Variants in GALNT10 observed in about 807,000 individuals in gnomAD.
GALNT10 encodes the protein polypeptide N-acetylgalactosaminyltransferase 10, also known as GalNAc transferase 10.
GALNT10 carries 41 observed loss-of-function variants against 75.0 expected under a neutral mutation model. The ratio of observed to expected loss-of-function variants is 0.55; its 90% CI spans 0.43 to 0.71. The LOEUF (loss-of-function observed/expected upper bound fraction) is 0.71, where lower values mean the gene tolerates loss of function less well. GALNT10 is among the 30% of genes least tolerant of loss of function. The pLI is 0.00. For synonymous variants in GALNT10, 302 were observed against 313.0 expected, an observed-to-expected ratio of 0.96 and a Z score of 0.37; for missense variants, 727 against 818.5, an observed-to-expected ratio of 0.89 and a Z score of 1.36.
chr5:154,225,558 T>G (rs78324554), intron 1 of GALNT10, among the ~76,000 whole-genome samples: 2 of 146,018 alleles, frequency 1.4e-5, no homozygotes, highest in East Asian at 3.9e-4. Flanking sequence ...ACTTGGCTAA[T>G]TTTTTTTTTT....
chr5:154,287,959 T>TGTGAGAGA (rs144196717), intron 1 of GALNT10, among the ~76,000 whole-genome samples: 1 of 149,846 alleles, frequency 6.7e-6, no homozygotes. Flanking sequence ...TGTGTGTGTG[T>TGTGAGAGA]GAGAGAGAGA....
At chr5:154,379,199 G>C (rs547973298) in intron 5 of GALNT10, among the ~76,000 whole-genome samples, 1 of 152,274 alleles carries the variant, frequency 6.6e-6, no homozygotes, top group East Asian at 1.9e-4. Context: ...GTACACAGAT[G>C]AACACACTCA....
intron 4 of GALNT10, among the ~76,000 whole-genome samples, chr5:154,355,929 A>G (rs749117426): frequency 5.3e-5 from 8 of 152,248 alleles, no homozygotes; most frequent in African/African-American, 1.9e-4. Context: ...CAAGGCACCT[A>G]CCTTCCACTC....
At position 154,419,746 on chromosome 5, in the gene GALNT10, T is replaced by C. The variant is rs1347265883; in HGVS notation, c.*2774T>C. On this transcript the variant is annotated 3_prime_UTR_variant, in exon 12 of 12. Transcript: ENST00000297107. ...GCCAGTACTAAGCCACTCATTGTTATGGCTTCCTTTTTGAAAACCACCTGT... is the reference window on the plus strand; with the variant it reads ...GCCAGTACTAAGCCACTCATTGTTACGGCTTCCTTTTTGAAAACCACCTGT... 4 of 152,260 alleles carry C rather than the reference T, an allele frequency of 2.6e-5. No homozygotes were observed. The highest frequency in any genetic ancestry group is 5.9e-5 in the Non-Finnish European group (4 of 68,058). The allele number at this position is 152,260 out of a possible 1,614,324, so 9.4% of individuals were successfully genotyped here.
chr5:154,323,364 C>A (rs1393261520), intron 3 of GALNT10, among the ~76,000 whole-genome samples: 1 of 151,380 alleles, frequency 6.6e-6, no homozygotes, highest in Non-Finnish European at 1.5e-5. Context: ...AGAGTAAGAC[C>A]CCATTTCAAA....
intron 5 of GALNT10, among the ~76,000 whole-genome samples, chr5:154,378,217 G>A (rs1323191151): frequency 6.6e-6 from 1 of 152,190 alleles, no homozygotes; most frequent in African/African-American, 2.4e-5. Context: ...ACACCTCCAT[G>A]CATAGCTCAC....
intron 9 of GALNT10, among the ~76,000 whole-genome samples, chr5:154,411,134 G>A (rs1182007490): frequency 6.6e-6 from 1 of 152,072 alleles, no homozygotes; most frequent in Non-Finnish European, 1.5e-5. Context: ...TCTTTCAGAA[G>A]ACCAATTTAA....
chr5:154,400,544 A>G (rs2161343), intron 7 of GALNT10, among the ~76,000 whole-genome samples: 71,944 of 152,022 alleles, frequency 0.47, 17,163 homozygotes, highest in African/African-American at 0.5. Context: ...GAGCAGTTGG[A>G]AGGACAGTCC....
chr5:154,341,784 AT>A (rs1323890836), intron 4 of GALNT10, among the ~76,000 whole-genome samples: 1 of 152,190 alleles, frequency 6.6e-6, no homozygotes, highest in Non-Finnish European at 1.5e-5. Context: ...GATGCCGAAT[AT>A]TCTTTGTAGT....
chr5:154,386,768 T>C, intron 7 of GALNT10: 1 of 510,530 alleles, frequency 2.0e-6, no homozygotes, highest in South Asian at 2.7e-5. Flanking sequence ...AAATAAGCAG[T>C]GGGCCAGAGA....
intron 4 of GALNT10, among the ~76,000 whole-genome samples, chr5:154,344,069 C>G (rs138190840): frequency 1.2e-4 from 18 of 152,134 alleles, no homozygotes; most frequent in Admixed American, 1.0e-3. Flanking sequence ...ATTAGAATCA[C>G]GCTCCTTGAA....
chr5:154,336,910 C>A (rs542657156), intron 4 of GALNT10, among the ~76,000 whole-genome samples: 8 of 152,128 alleles, frequency 5.3e-5, no homozygotes, highest in African/African-American at 9.7e-5. Context: ...TGATATCAGA[C>A]CTCTTCTTTC....
At chr5:154,378,088 G>C (rs1755684251) in intron 5 of GALNT10, among the ~76,000 whole-genome samples, 3 of 152,280 alleles carry the variant, frequency 2.0e-5, no homozygotes, top group South Asian at 4.2e-4. Flanking sequence ...TGTTGTTGTT[G>C]TTTTGTTTTT....
chr5:154,232,601 A>G (rs879267872), intron 1 of GALNT10, among the ~76,000 whole-genome samples: 1 of 152,198 alleles, frequency 6.6e-6, no homozygotes, highest in Non-Finnish European at 1.5e-5. Flanking sequence ...GGTTTCTCTT[A>G]AGATATGAGG....
chr5:154,239,292 A>G (rs1322550341), intron 1 of GALNT10, among the ~76,000 whole-genome samples: 1 of 152,132 alleles, frequency 6.6e-6, no homozygotes, highest in Non-Finnish European at 1.5e-5. Flanking sequence ...CCTTCTGTGC[A>G]CAGTTCAGGG....
chr5:154,253,750 A>T lies in GALNT10; in HGVS notation c.160-41066A>T, dbSNP rs114658626. Among the ~76,000 whole-genome samples the T allele has an allele frequency of 9.3e-3, 1,181 of 127,260 alleles. 20 individuals are homozygous for T. Among genetic ancestry groups the T allele is most frequent in the African/African-American group, 0.035 (1,129 of 32,552 alleles). 83.5% of individuals were successfully genotyped at this position (127,260 alleles called of 152,430 possible). On this transcript the variant is annotated intron_variant, in intron 1 of 11. Coordinates refer to ENST00000297107, the MANE Select transcript of GALNT10 (RefSeq NM_198321.4). ...TTTTTTTGGTGTGGTATTAAAAAAC[A>T]TGGTGGCTTGCTTTCTTAGATTTCC...
chr5:154,317,085 G>T (rs925834909), intron 3 of GALNT10, among the ~76,000 whole-genome samples: 1 of 152,150 alleles, frequency 6.6e-6, no homozygotes, highest in African/African-American at 2.4e-5. Context: ...GGAAACTGAG[G>T]CTCATCATGG....
intron 3 of GALNT10, among the ~76,000 whole-genome samples, chr5:154,326,129 A>G (rs1001882457): frequency 6.6e-6 from 1 of 152,120 alleles, no homozygotes; most frequent in African/African-American, 2.4e-5. Context: ...TCCAGAGAAG[A>G]TGTACAAATG....
At chr5:154,410,616 G>T (rs538479227) in intron 9 of GALNT10, among the ~76,000 whole-genome samples, 2 of 152,130 alleles carry the variant, frequency 1.3e-5, no homozygotes, top group African/African-American at 4.8e-5. Flanking sequence ...TGGCTAACAC[G>T]GGGCAGTAAC....
Sources: gnomAD v4.1 joint callset for allele counts (sites outside exome capture counted in the v4.1 genomes callset) on GRCh38, gnomAD v4.1.1 for gene constraint, MANE v1.5 for transcripts, NCBI Gene and HGNC (gene_info 2026-07-23, HGNC 2026-07-21) for gene names.